WNK2: variants seen among roughly 807,000 people sequenced by gnomAD.
WNK2 encodes the protein WNK lysine deficient protein kinase 2, also known as serine/threonine-protein kinase WNK2.
WNK2 carries 67 observed loss-of-function variants against 192.1 expected under a neutral mutation model. That is an observed-to-expected ratio of 0.35 (90% CI 0.29 to 0.43). The LOEUF (loss-of-function observed/expected upper bound fraction) is 0.43, where lower values mean the gene tolerates loss of function less well. Among genes scored for constraint, WNK2 ranks in the 20% least tolerant of loss-of-function variants. The pLI, the probability that WNK2 is intolerant of heterozygous loss-of-function variation, is 1.00. For synonymous variants in WNK2, 1,439 were observed against 1,393.9 expected (o/e 1.03, Z -0.72); for missense variants, 2,698 against 3,089.7 (o/e 0.87, Z 3.01).
intron 5 of WNK2, among the ~76,000 whole-genome samples, chr9:93,236,767 A>G (rs1199755859): frequency 6.6e-6 from 1 of 152,216 alleles, no homozygotes; most frequent in Non-Finnish European, 1.5e-5. Context: ...GTGACCACAA[A>G]TAGTGCTCCT....
intron 2 of WNK2, among the ~76,000 whole-genome samples, chr9:93,208,426 T>C (rs1419102705): frequency 6.6e-6 from 1 of 152,252 alleles, no homozygotes; most frequent in Admixed American, 6.5e-5. Flanking sequence ...TTTCTCTGTG[T>C]GCACGTTTTC....
intron 23 of WNK2, 149 bp downstream of exon 23, chr9:93,293,322 CTT>C (rs374773480): frequency 0.043 from 17,548 of 409,394 alleles, no homozygotes; most frequent in East Asian, 0.056. Flanking sequence ...GTGATGAAGG[CTT>C]TTTTTTTTTT....
chr9:93,220,640 C>G (rs954566886), intron 2 of WNK2, among the ~76,000 whole-genome samples: 2 of 152,106 alleles, frequency 1.3e-5, no homozygotes, highest in African/African-American at 2.4e-5. Flanking sequence ...ATGGGGTGGC[C>G]TGAGGAGGGG....
At chr9:93,271,136 G>T (rs891773733) in intron 19 of WNK2, among the ~76,000 whole-genome samples, 1 of 152,148 alleles carries the variant, frequency 6.6e-6, no homozygotes, top group African/African-American at 2.4e-5. Flanking sequence ...AGTAGACCTC[G>T]CCCAGGTTCC....
chr9:93,231,657 C>T (rs534280285), intron 4 of WNK2, among the ~76,000 whole-genome samples: 32 of 152,356 alleles, frequency 2.1e-4, no homozygotes, highest in African/African-American at 7.2e-4. Context: ...GGGCGGGGCA[C>T]AGAGCAGGCG....
At chr9:93,208,327 G>A (rs984756763) in intron 2 of WNK2, among the ~76,000 whole-genome samples, 30 of 152,186 alleles carry the variant, frequency 2.0e-4, no homozygotes, top group Non-Finnish European at 3.7e-4. Flanking sequence ...GAGGTAACAC[G>A]TTTTTGTAGA....
rs370163370 is a variant in WNK2, at chr9:93,253,037, G to A, written c.1989G>A (p.Pro663=). Residue 663 remains proline, a synonymous_variant, in exon 9 of 30, where the codon CCG becomes CCA. Transcript: ENST00000427277. ...CTGTGAGCGAGGGGCCCGTCCTGCCGCAGAGCCTGCCCTCGCTGGGGGCCT... is the reference window on the plus strand; with the variant it reads ...CTGTGAGCGAGGGGCCCGTCCTGCCACAGAGCCTGCCCTCGCTGGGGGCCT... ...SPPVSEGPVL[P]QSLPSLGAYQ... is the part of the protein sequence containing the mutation. 2.1e-5 allele frequency: 33 copies of A among 1,535,364 alleles called. No individual in the cohort carries two copies. Among genetic ancestry groups the A allele is most frequent in the African/African-American group, 1.4e-4 (10 of 72,548 alleles).
intron 2 of WNK2, among the ~76,000 whole-genome samples, chr9:93,223,864 A>T (rs373059300): frequency 6.6e-6 from 1 of 152,222 alleles, no homozygotes; most frequent in South Asian, 2.1e-4. Context: ...AAGGGGACAC[A>T]TATATGGTGG....
rs372135539 is a variant in WNK2, at chr9:93,229,903, T to C, written c.854+35T>C. 4.4e-5 allele frequency: 71 copies of C among 1,603,316 alleles called. No homozygotes were observed. In the African/African-American group the frequency reaches 9.1e-4, roughly 21 times the overall value. ...GCTTCCTGAGGGCTGGGGCGGGTCC[T>C]GGCATGGGTGCAGGGCTACCATAGC... On this transcript the variant is annotated intron_variant, in intron 3 of 29. Coordinates refer to ENST00000427277, the MANE Select transcript of WNK2 (RefSeq NM_006648.4). The surrounding 1 kb of genome is among the most constrained non-coding windows in gnomAD (Gnocchi z 4.9).
intron 3 of WNK2, among the ~76,000 whole-genome samples, chr9:93,230,316 G>A (rs1838542540): frequency 6.6e-6 from 1 of 152,134 alleles, no homozygotes; most frequent in African/African-American, 2.4e-5. Context: ...CTGAACCACT[G>A]GACCCTGCAG....
intron 27 of WNK2, chr9:93,307,144 C>T: frequency 2.4e-6 from 1 of 413,364 alleles, no homozygotes. Flanking sequence ...TGAGTATTTC[C>T]TTGAAGTCCT....
chr9:93,277,098 A>G (rs190465126), intron 19 of WNK2, among the ~76,000 whole-genome samples: 2 of 152,306 alleles, frequency 1.3e-5, no homozygotes, highest in Admixed American at 6.5e-5. Flanking sequence ...AACAGGATAT[A>G]AGGATGGTAA....
intron 19 of WNK2, among the ~76,000 whole-genome samples, chr9:93,274,444 G>A (rs1846441337): frequency 6.6e-6 from 1 of 151,368 alleles, no homozygotes; most frequent in Non-Finnish European, 1.5e-5. Context: ...CCCAGGAGGT[G>A]GAGCTTGCCG....
intron 2 of WNK2, among the ~76,000 whole-genome samples, chr9:93,206,519 G>T (rs995208796): frequency 3.3e-5 from 5 of 151,906 alleles, no homozygotes; most frequent in Non-Finnish European, 5.9e-5. Flanking sequence ...CTGACTGGGG[G>T]TGGGGGTGGA....
chr9:93,286,660 G>A (rs1848487904), intron 19 of WNK2, among the ~76,000 whole-genome samples: 1 of 152,158 alleles, frequency 6.6e-6, no homozygotes, highest in African/African-American at 2.4e-5. Flanking sequence ...CCACTGCTGG[G>A]TATATATTCA....
At chr9:93,254,143 C>T (rs975259171) in intron 9 of WNK2, among the ~76,000 whole-genome samples, 3 of 152,104 alleles carry the variant, frequency 2.0e-5, no homozygotes, top group Admixed American at 6.5e-5. Context: ...TCTCGAACTC[C>T]GGACCTCAGG....
In WNK2 at chr9:93,308,544, A is replaced by G. The variant is rs1263102674; in HGVS notation, c.6476A>G (p.Glu2159Gly). Residue 2159 changes from glutamate to glycine, a missense_variant, in exon 28 of 30, where the codon GAG becomes GGG. Coordinates refer to ENST00000427277, the MANE Select transcript of WNK2 (RefSeq NM_006648.4). ...LKQTQKLQDMEAQAGWAAPGE... is the reference protein window; with the variant it reads ...LKQTQKLQDMGAQAGWAAPGE... ...CAGACCCAGAAGCTGCAAGACATGG[A>G]GGCCCAGGCAGGCTGGGCTGCCCCT... The G allele has an allele frequency of 6.3e-7, 1 of 1,589,526 alleles. No homozygotes were observed. The highest frequency in any genetic ancestry group is 2.3e-5 in the East Asian group (1 of 43,516).
chr9:93,233,659 A>C (rs944541448), intron 4 of WNK2, among the ~76,000 whole-genome samples: 1 of 139,810 alleles, frequency 7.2e-6, no homozygotes, highest in African/African-American at 2.7e-5. Context: ...CCAAGATTGC[A>C]CCATTGCACT....
Position 93,185,184 on chromosome 9 carries a change from C to A in WNK2, c.255C>A (p.Ile85=). 8.4e-7 allele frequency: 1 copy of A among 1,188,330 alleles called. No individual in the cohort carries two copies. Among genetic ancestry groups the A allele is most frequent in the Non-Finnish European group, 1.0e-6 (1 of 958,410 alleles). 73.6% of individuals were successfully genotyped at this position (1,188,330 alleles called of 1,614,324 possible). A position where few individuals can be genotyped will look rare whatever the true frequency, so the allele number is the denominator to read the frequency against. Residue 85 remains isoleucine, a synonymous_variant, in exon 2 of 30, where the codon ATC becomes ATA. Transcript: ENST00000427277. Reference sequence around the variant, plus strand: ...TGCTCTGCAAGACGCGCCGCCTCATCGCGGAGCGCGCCCGCGGACGCCCCG... The same window carrying A: ...TGCTCTGCAAGACGCGCCGCCTCATAGCGGAGCGCGCCCGCGGACGCCCCG... The part of the protein sequence containing the change: ...VLLLCKTRRL[I]AERARGRPAA...
Sources: allele counts gnomAD v4.1 joint callset (sites outside exome capture counted in the v4.1 genomes callset), GRCh38; gene constraint gnomAD v4.1.1; non-coding constraint Gnocchi (gnomAD v3.1); transcripts MANE v1.5; gene names NCBI Gene and HGNC (gene_info 2026-07-23, HGNC 2026-07-21).